The following REPS2 variants were observed in gnomAD, a reference collection of about 807,000 sequenced individuals.
REPS2 encodes the protein ralBP1-associated Eps domain-containing protein 2.
In REPS2, 23 loss-of-function variants were observed where a neutral mutation model predicts 53.6. The ratio of observed to expected loss-of-function variants is 0.43; its 90% CI spans 0.31 to 0.61. The LOEUF (loss-of-function observed/expected upper bound fraction) is 0.61, where lower values mean the gene tolerates loss of function less well. REPS2 is among the 20% of genes least tolerant of loss of function. The pLI is 0.11. For missense variants in REPS2, 446 were observed against 534.9 expected (o/e 0.83, Z 1.64); for synonymous variants, 238 against 218.6 (o/e 1.09, Z -0.78).
chrX:17,096,592 G>A lies in REPS2; in HGVS notation c.1517-7126G>A, dbSNP rs1302707684. ...GGAGAATGGCGTGAACCCGGGAGGC[G>A]GAGCTTGCAGTGAGCCGAGATCCCG... On this transcript the variant is annotated intron_variant, in intron 13 of 17. Transcript: ENST00000357277. Among the ~76,000 whole-genome samples, 8 of 90,295 alleles carry A rather than the reference G, an allele frequency of 8.9e-5. No individual in the cohort carries two copies. The South Asian group carries it at 2.5e-3, about 29-fold the overall frequency. The allele number at this position is 90,295 out of a possible 115,157, so 78.4% of individuals were successfully genotyped here.
At chrX:16,988,719 C>T (rs999890500) in intron 1 of REPS2, among the ~76,000 whole-genome samples, 2 of 111,251 alleles carry the variant, frequency 1.8e-5, no homozygotes, top group Non-Finnish European at 3.8e-5. Context: ...ATACCATTTA[C>T]ATTCACTCAA....
At chrX:16,996,441 A>C (rs995292622) in intron 1 of REPS2, among the ~76,000 whole-genome samples, 3 of 111,727 alleles carry the variant, frequency 2.7e-5, no homozygotes, top group African/African-American at 9.8e-5. Flanking sequence ...AACAGGGTAG[A>C]AAGGCCCTTC....
chrX:17,175,504 G>C, the REPS2 span, among the ~76,000 whole-genome samples: 1 of 112,101 alleles, frequency 8.9e-6, no homozygotes, highest in Non-Finnish European at 1.9e-5. Context: ...TTCTCAAATT[G>C]GGAAGGGACA....
At chrX:17,019,578 C>T (rs2061544690) in intron 2 of REPS2, among the ~76,000 whole-genome samples, 1 of 111,783 alleles carries the variant, frequency 8.9e-6, no homozygotes, top group Non-Finnish European at 1.9e-5. Flanking sequence ...AATCCCAGCA[C>T]TTTAGGAGGC....
chrX:17,183,818 C>T, the REPS2 span, among the ~76,000 whole-genome samples: 4 of 111,945 alleles, frequency 3.6e-5, no homozygotes, highest in African/African-American at 1.3e-4. Flanking sequence ...CCACATTTTC[C>T]CTCTCTCACC....
intron 13 of REPS2, among the ~76,000 whole-genome samples, chrX:17,078,981 T>C (rs1708562160): frequency 8.9e-6 from 1 of 112,463 alleles, no homozygotes; most frequent in Admixed American, 9.4e-5. Flanking sequence ...CAAATATGGG[T>C]TGAATATTCC....
intron 1 of REPS2, among the ~76,000 whole-genome samples, chrX:16,977,443 G>C (rs963456897): frequency 9.9e-5 from 11 of 110,740 alleles, no homozygotes; most frequent in African/African-American, 3.6e-4. Flanking sequence ...GGCTGGATGC[G>C]ATCACTCACG....
At chrX:17,033,865 C>T (rs1044787630) in intron 5 of REPS2, among the ~76,000 whole-genome samples, 3 of 111,730 alleles carry the variant, frequency 2.7e-5, no homozygotes, top group African/African-American at 9.8e-5. Flanking sequence ...CCTACCTCCT[C>T]GGCCACAGCA....
intron 1 of REPS2, among the ~76,000 whole-genome samples, chrX:16,951,833 T>A (rs2060518282): frequency 1.8e-5 from 2 of 112,338 alleles, no homozygotes; most frequent in African/African-American, 6.5e-5. Flanking sequence ...TGTCAGTCTC[T>A]TGGAATGCTG....
intron 13 of REPS2, among the ~76,000 whole-genome samples, chrX:17,093,166 C>CTA (rs58530978): frequency 0.014 from 559 of 39,083 alleles, 23 homozygotes; most frequent in Non-Finnish European, 0.018. Context: ...TGAGTTAATG[C>CTA]TATATATATA....
chrX:17,163,938 T>C, the REPS2 span, among the ~76,000 whole-genome samples: 1 of 112,345 alleles, frequency 8.9e-6, no homozygotes, highest in Admixed American at 9.4e-5. Flanking sequence ...TGTAACTCTT[T>C]CTTTTCTCCT....
intron 1 of REPS2, among the ~76,000 whole-genome samples, chrX:16,970,477 C>T (rs755934990): frequency 8.9e-6 from 1 of 112,265 alleles, no homozygotes; most frequent in Non-Finnish European, 1.9e-5. Flanking sequence ...GGATTATAGG[C>T]GTGAGCCACT....
chrX:17,092,538 A>C (rs1198360370), intron 13 of REPS2, among the ~76,000 whole-genome samples: 1 of 110,472 alleles, frequency 9.1e-6, no homozygotes, highest in Non-Finnish European at 1.9e-5. Context: ...TACACTTATA[A>C]AAATTTTTGG....
At chrX:16,968,832 C>A (rs1402186034) in intron 1 of REPS2, among the ~76,000 whole-genome samples, 1 of 108,303 alleles carries the variant, frequency 9.2e-6, no homozygotes, top group African/African-American at 3.4e-5. Context: ...GGCTGACCCC[C>A]CCACCTCCCT....
At chrX:17,132,494 A>G (rs2063306157) in intron 14 of REPS2, among the ~76,000 whole-genome samples, 2 of 112,666 alleles carry the variant, frequency 1.8e-5, no homozygotes, top group Non-Finnish European at 3.8e-5. Context: ...CTAGAAGGGA[A>G]AGGTGTTTTC....
At chrX:17,055,911 C>T (rs1178212186) in intron 8 of REPS2, among the ~76,000 whole-genome samples, 6 of 102,017 alleles carry the variant, frequency 5.9e-5, no homozygotes, top group East Asian at 6.2e-4. Flanking sequence ...GTGGGTGCAG[C>T]GCACCAGCAT....
the REPS2 span, among the ~76,000 whole-genome samples, chrX:17,164,952 T>C: frequency 9.0e-6 from 1 of 111,463 alleles, no homozygotes; most frequent in Non-Finnish European, 1.9e-5. Flanking sequence ...TTTGAAACAG[T>C]TATCTTTTAT....
At chrX:17,047,526 G>A (rs756032211) in intron 6 of REPS2, 44 bp downstream of exon 6, 1 of 1,173,817 alleles carries the variant, frequency 8.5e-7, no homozygotes, top group Non-Finnish European at 1.1e-6. Context: ...CCAGAACATA[G>A]CCACCATCTT....
chrX:17,168,476 G>A, the REPS2 span, among the ~76,000 whole-genome samples: 1 of 111,391 alleles, frequency 9.0e-6, no homozygotes, highest in Non-Finnish European at 1.9e-5. Context: ...TTGCACCACT[G>A]AACTCCAGCC....
Sources: allele counts gnomAD v4.1 joint callset (sites outside exome capture counted in the v4.1 genomes callset), GRCh38; gene constraint gnomAD v4.1.1; transcripts MANE v1.5; gene names NCBI Gene and HGNC (gene_info 2026-07-23, HGNC 2026-07-21).